The following ABCA3 variants were observed in gnomAD, a reference collection of about 807,000 sequenced individuals.
The protein encoded by ABCA3 is ATP binding cassette subfamily A member 3.
Under a neutral mutation model 172.8 loss-of-function variants are expected in ABCA3, and 88 were observed. The observed-to-expected ratio is 0.51, with a 90% CI of 0.43 to 0.61. ABCA3 has a LOEUF of 0.61. ABCA3 is among the 20% of genes least tolerant of loss of function. ABCA3 has a pLI of 0.00. For missense variants in ABCA3, 2,164 were observed against 2,301.0 expected, an observed-to-expected ratio of 0.94 and a Z score of 1.22; for synonymous variants, 1,066 against 983.8, an observed-to-expected ratio of 1.08 and a Z score of -1.56.
intron 12 of ABCA3, among the ~76,000 whole-genome samples, chr16:2,301,350 T>TA (rs2093689126): frequency 6.6e-6 from 1 of 152,216 alleles, no homozygotes; most frequent in East Asian, 1.9e-4. Flanking sequence ...AGTGTCATCT[T>TA]ACAGTTGATG....
rs139363080 is a variant in ABCA3 at position 2,279,094 on chromosome 16, C to T, written c.4396G>A (p.Ala1466Thr). Residue 1466 changes from alanine to threonine, a missense_variant, in exon 29 of 33, where the codon GCC (alanine) becomes ACC (threonine). Ala to Thr is a moderately conservative substitution (Grantham distance 58). Coordinates refer to ENST00000301732, the MANE Select transcript of ABCA3 (RefSeq NM_001089.3). This position sits in a 1 kb window ranked among gnomAD's most constrained non-coding sequence, Gnocchi z 4.4. ...QRIGYCPQFD[A>T]LLDHMTGREM... is the part of the protein sequence containing the mutation. ...CGGCCTGTCATGTGGTCCAGCAAGG[C>T]ATCAAACTGCGGGCAGTAGCCGATC... The T allele has an allele frequency of 1.9e-6, 3 of 1,612,432 alleles. No individual in the cohort carries two copies. Among genetic ancestry groups the T allele is most frequent in the Non-Finnish European group, 2.5e-6 (3 of 1,180,038 alleles).
chr16:2,279,504 CCTCT>C lies in ABCA3; in HGVS notation c.4360-378_4360-375del, dbSNP rs1423116861. On this transcript the variant is annotated intron_variant, in intron 28 of 32. Coordinates refer to ENST00000301732, the MANE Select transcript of ABCA3 (RefSeq NM_001089.3). This position sits in a 1 kb window ranked among gnomAD's most constrained non-coding sequence, Gnocchi z 4.4. The stretch of plus-strand genomic sequence containing the variant: ...TGATGTGCTAGGACTCTTTCTTCTC[CCTCT>C]AAGAAGAAAGATTTGTGGGCACCAC... 2.0e-5 allele frequency among the ~76,000 whole-genome samples: 3 copies of C among 152,186 alleles called. No individual in the cohort carries two copies. The highest frequency in any genetic ancestry group is 2.9e-5 in the Non-Finnish European group (2 of 68,034).
rs1219995202 is a variant in ABCA3, at chr16:2,319,928, G to A, written c.614-88C>T. 1.5e-5 allele frequency: 24 copies of A among 1,567,090 alleles called. No homozygotes were observed. The South Asian group carries it at 2.7e-4, about 18-fold the overall frequency. ...CACGTGCATGGGGTCCATGGGGGAA[G>A]AGATGCTTGGGGCAACAGAGTGACT... On this transcript the variant is annotated intron_variant, in intron 7 of 32. Coordinates refer to ENST00000301732, the MANE Select transcript of ABCA3 (RefSeq NM_001089.3).
chr16:2,317,739 C>T lies in ABCA3; in HGVS notation c.899G>A (p.Ser300Asn). 6.2e-7 allele frequency: 1 copy of T among 1,614,252 alleles called. No homozygotes were observed. The highest frequency in any genetic ancestry group is 8.5e-7 in the Non-Finnish European group (1 of 1,180,038). ...CCAGGCACTCCAGTGCAGCCAGCTG[C>T]TGAGCCCCATCATGCGCATGTACTC... ...LKEYMRMMGL[S>N]SWLHWSAWFL... Residue 300 changes from serine to asparagine, a missense_variant, in exon 9 of 33, where the codon AGC (serine) becomes AAC (asparagine). By Grantham distance (46) the Ser-to-Asn change is conservative. Transcript: ENST00000301732.
At chr16:2,309,751 C>G (rs1403692613) in intron 10 of ABCA3, among the ~76,000 whole-genome samples, 3 of 152,146 alleles carry the variant, frequency 2.0e-5, no homozygotes, top group African/African-American at 7.2e-5. Flanking sequence ...GGGAGAGCAG[C>G]TAGGACCACA....
In ABCA3 at chr16:2,279,612, C is replaced by T. The variant is rs1045064056; in HGVS notation, c.4360-482G>A. ...GTGACCACGTCCAGCTGAATTAAGA[C>T]GTGCCTGCTGCCATCTGCTTAGCTA... On this transcript the variant is annotated intron_variant, in intron 28 of 32. Transcript: ENST00000301732. The surrounding 1 kb of genome is among the most constrained non-coding windows in gnomAD (Gnocchi z 4.4). Among the ~76,000 whole-genome samples, 6 of 152,334 alleles carry T rather than the reference C, an allele frequency of 3.9e-5. No homozygotes were observed. Among genetic ancestry groups the T allele is most frequent in the South Asian group, 2.1e-4 (1 of 4,830 alleles).
At position 2,297,282 on chromosome 16, in the gene ABCA3, C is replaced by T. The variant is rs780955331; in HGVS notation, c.2263+47G>A. On this transcript the variant is annotated intron_variant, in intron 17 of 32. Transcript: ENST00000301732. This position sits in a 1 kb window ranked among gnomAD's most constrained non-coding sequence, Gnocchi z 5.6. ...GAAGGTAGCAGCCATTCCCTCAGCA[C>T]GGCAGCCAGGACACCGACCCTGTCG... 29 of 1,593,194 alleles carry T rather than the reference C, an allele frequency of 1.8e-5. No individual in the cohort carries two copies. Among genetic ancestry groups the T allele is most frequent in the Middle Eastern group, 2.3e-4 (1 of 4,440 alleles).
chr16:2,278,367 G>A lies in ABCA3; in HGVS notation c.4639C>T (p.Pro1547Ser). The A allele has an allele frequency of 3.1e-6, 5 of 1,612,566 alleles. No homozygotes were observed. The highest frequency in any genetic ancestry group is 4.2e-6 in the Non-Finnish European group (5 of 1,180,020). ...FLDEPSTGMD[P>S]VARRLLWDTV... is the part of the protein sequence containing the mutation. Reference sequence around the variant, plus strand: ...TCCCAAAGCAGGCGCCGGGCCACGGGGTCCATGCCAGTGGACGGCTCGTCC... The same window carrying A: ...TCCCAAAGCAGGCGCCGGGCCACGGAGTCCATGCCAGTGGACGGCTCGTCC... The change falls in exon 30 of 33, where the codon CCC (proline) becomes TCC (serine). Residue 1547 changes from proline to serine, a missense_variant. By Grantham distance (74) the Pro-to-Ser change is moderately conservative. Transcript: ENST00000301732. The surrounding 1 kb of genome is among the most constrained non-coding windows in gnomAD (Gnocchi z 4.4).
At position 2,277,882 on chromosome 16, in the gene ABCA3, G is replaced by C. The variant is rs939566057; in HGVS notation, c.4906C>G (p.Pro1636Ala). ...EFKAFVDLTFPGSVLEDEHQG... is the reference protein window; with the variant it reads ...EFKAFVDLTFAGSVLEDEHQG... Reference sequence around the variant, plus strand: ...GGCTGCCGGGGCCGGCACACACCTGGAAAGGTCAGGTCCACGAAGGCCTTG... The same window carrying C: ...GGCTGCCGGGGCCGGCACACACCTGCAAAGGTCAGGTCCACGAAGGCCTTG... The change falls in exon 31 of 33, where the codon CCA (proline) becomes GCA (alanine). Residue 1636 changes from proline (P) to alanine (A), a missense_variant. Coordinates refer to ENST00000301732, the MANE Select transcript of ABCA3 (RefSeq NM_001089.3). The surrounding 1 kb of genome is among the most constrained non-coding windows in gnomAD (Gnocchi z 5.3). The C allele has an allele frequency of 9.3e-6, 15 of 1,608,840 alleles. No individual in the cohort carries two copies. The highest frequency in any genetic ancestry group is 1.3e-5 in the African/African-American group (1 of 74,854).
intron 19 of ABCA3, among the ~76,000 whole-genome samples, chr16:2,289,967 A>T (rs2093669364): frequency 2.1e-5 from 3 of 144,252 alleles, no homozygotes; most frequent in Non-Finnish European, 1.5e-5. Context: ...TACATCACAC[A>T]CACACACACA....
At position 2,284,770 on chromosome 16, in the gene ABCA3, G is replaced by C. The variant is rs1212853439; in HGVS notation, c.3703+9C>G. 1.2e-6 allele frequency: 2 copies of C among 1,612,432 alleles called. No homozygotes were observed. The highest frequency in any genetic ancestry group is 1.7e-6 in the Non-Finnish European group (2 of 1,179,526). On this transcript the variant is annotated intron_variant, in intron 24 of 32. Coordinates refer to ENST00000301732, the MANE Select transcript of ABCA3 (RefSeq NM_001089.3). This position sits in a 1 kb window ranked among gnomAD's most constrained non-coding sequence, Gnocchi z 5.9. ...CCATGGGGGCTGCGGGTGGTCTCCA[G>C]GTGCCCACCTGGGATGCGCATGATG...
chr16:2,299,657 G>A, intron 13 of ABCA3, 125 bp from the exon 14 acceptor site: 1 of 1,475,562 alleles, frequency 6.8e-7, no homozygotes, highest in Non-Finnish European at 9.4e-7. Flanking sequence ...TCAGTGTGCA[G>A]AGGGGAGGGA....
chr16:2,337,461 A>G (rs560715234), intron 1 of ABCA3, among the ~76,000 whole-genome samples: 17 of 146,398 alleles, frequency 1.2e-4, no homozygotes, highest in African/African-American at 4.3e-4. Flanking sequence ...TGTAGCCTTG[A>G]CCTCCTGGCT....
intron 19 of ABCA3, among the ~76,000 whole-genome samples, chr16:2,290,097 C>T (rs1443463212): frequency 6.6e-6 from 1 of 152,094 alleles, no homozygotes; most frequent in African/African-American, 2.4e-5. Flanking sequence ...TGTCAGGCCA[C>T]ACTTGGAGCC....
chr16:2,323,885 G>T (rs1051962589), intron 6 of ABCA3, among the ~76,000 whole-genome samples, 197 bp from the exon 7 acceptor site: 3 of 152,048 alleles, frequency 2.0e-5, no homozygotes, highest in African/African-American at 7.2e-5. Flanking sequence ...GCCACACAGG[G>T]GCCCCTTTTG....
At position 2,283,239 on chromosome 16, in the gene ABCA3, G is replaced by A; in HGVS notation, c.3982C>T (p.Leu1328=). 2.5e-6 allele frequency: 4 copies of A among 1,613,470 alleles called. No homozygotes were observed. Among genetic ancestry groups the A allele is most frequent in the South Asian group, 1.1e-5 (1 of 91,088 alleles). ...AGGATGCCCCTGAGTCTCTGAAGCA[G>A]GTTGGTCTCGATGAGGAAGAGCAGG... ...LILLFLIETN[L]LQRLRGILCA... is the part of the protein sequence containing the mutation. The change falls in exon 26 of 33, where the codon CTG becomes TTG. Residue 1328 remains leucine (L), a synonymous_variant. Transcript: ENST00000301732. This position sits in a 1 kb window ranked among gnomAD's most constrained non-coding sequence, Gnocchi z 5.4.
intron 1 of ABCA3, among the ~76,000 whole-genome samples, chr16:2,340,196 G>C (rs1244024181): frequency 6.6e-6 from 1 of 152,214 alleles, no homozygotes. Flanking sequence ...GGCCGGGGCT[G>C]TCGGTCGCTA....
chr16:2,291,826 C>A (rs1372547127), intron 19 of ABCA3, among the ~76,000 whole-genome samples: 3 of 152,146 alleles, frequency 2.0e-5, no homozygotes, highest in Non-Finnish European at 4.4e-5. Flanking sequence ...GTAATACCAG[C>A]ACTTTGGGAG....
intron 11 of ABCA3, 29 bp from the exon 12 acceptor site, chr16:2,304,179 A>G (rs1441337394): frequency 5.0e-6 from 8 of 1,613,732 alleles, no homozygotes; most frequent in African/African-American, 2.7e-5. Context: ...AAGTGGCCCG[A>G]AAGCCAGCAG....
Sources: allele counts gnomAD v4.1 joint callset (sites outside exome capture counted in the v4.1 genomes callset), GRCh38; gene constraint gnomAD v4.1.1; non-coding constraint Gnocchi (gnomAD v3.1); transcripts MANE v1.5; gene names NCBI Gene and HGNC (gene_info 2026-07-23, HGNC 2026-07-21).